Variants in LRRC56 observed in about 807,000 individuals in gnomAD.
LRRC56 encodes leucine rich repeat containing 56.
In LRRC56, 41 loss-of-function variants were observed where a neutral mutation model predicts 47.8. The observed-to-expected ratio is 0.86, with a 90% CI of 0.67 to 1.11. LRRC56 has a LOEUF of 1.11. Among genes scored for constraint, LRRC56 ranks in the 50% most tolerant of loss-of-function variants. The pLI is 0.00. For missense variants in LRRC56, 759 were observed against 704.2 expected, an observed-to-expected ratio of 1.08 and a Z score of -0.88; for synonymous variants, 387 against 311.2, an observed-to-expected ratio of 1.24 and a Z score of -2.56.
chr11:507,568 CG>C, the LRRC56 span, among the ~76,000 whole-genome samples: 1 of 152,082 alleles, frequency 6.6e-6, no homozygotes, highest in African/African-American at 2.4e-5. Flanking sequence ...AGGAAGAGGC[CG>C]GGGCCCGGTG....
chr11:551,029 T>TGCCCC (rs1491404081), intron 8 of LRRC56, 102 bp from the exon 9 acceptor site: 2 of 680,648 alleles, frequency 2.9e-6, no homozygotes, highest in Admixed American at 3.4e-5. Flanking sequence ...GCCCCTGCCC[T>TGCCCC]GCCCCACGGT....
upstream of LRRC56, chr11:532,888 CA>C: frequency 1.1e-6 from 1 of 874,132 alleles, no homozygotes; most frequent in Non-Finnish European, 1.9e-6. Flanking sequence ...CCAGGCCCAC[CA>C]CACACACGGG....
the LRRC56 span, among the ~76,000 whole-genome samples, chr11:516,862 T>C: frequency 6.6e-6 from 1 of 152,206 alleles, no homozygotes; most frequent in African/African-American, 2.4e-5. Flanking sequence ...CCTCTCCCTC[T>C]CCCTCTCCCT....
At chr11:543,048 C>T (rs1005893116) in intron 5 of LRRC56, among the ~76,000 whole-genome samples, 44 of 151,902 alleles carry the variant, frequency 2.9e-4, no homozygotes, top group African/African-American at 9.4e-4. Flanking sequence ...CTCACCACCA[C>T]GCCCAGCTGA....
chr11:535,864 C>T (rs1322095237), upstream of LRRC56, among the ~76,000 whole-genome samples: 1 of 152,086 alleles, frequency 6.6e-6, no homozygotes, highest in Non-Finnish European at 1.5e-5. Flanking sequence ...CGGGCTCTCC[C>T]GGGAACAGGC....
chr11:533,210 C>G (rs1851214212), upstream of LRRC56: 2 of 1,368,360 alleles, frequency 1.5e-6, no homozygotes, highest in Admixed American at 2.0e-5. Flanking sequence ...CGGCCCAGGA[C>G]TGCAGGGCGT....
chr11:529,933 C>T, the LRRC56 span, among the ~76,000 whole-genome samples: 1 of 152,186 alleles, frequency 6.6e-6, no homozygotes, highest in Admixed American at 6.5e-5. Context: ...CAAGGCCTAG[C>T]GGCATGAGGG....
intron 5 of LRRC56, among the ~76,000 whole-genome samples, chr11:543,679 A>C (rs1420217783): frequency 6.6e-6 from 1 of 152,030 alleles, no homozygotes; most frequent in African/African-American, 2.4e-5. Flanking sequence ...ACCCGCAGCC[A>C]TCTGCACTCA....
chr11:531,395 C>T, the LRRC56 span, among the ~76,000 whole-genome samples: 1 of 152,272 alleles, frequency 6.6e-6, no homozygotes, highest in South Asian at 2.1e-4. Context: ...GCTGTGGGCC[C>T]CCAGCAGAAG....
At chr11:514,831 C>G in the LRRC56 span, among the ~76,000 whole-genome samples, 1 of 152,132 alleles carries the variant, frequency 6.6e-6, no homozygotes, top group South Asian at 2.1e-4. Context: ...GTGTCTAGAA[C>G]TGAACCGTGG....
In LRRC56 at chr11:552,168, C is replaced by T. The variant is rs746863596; in HGVS notation, c.1117C>T (p.Pro373Ser). Reference protein sequence around the residue: ...AASTSTPEPDPADSSDFLALA... With the variant: ...AASTSTPEPDSADSSDFLALA... ...CAGCACTTCCACCCCAGAGCCTGAC[C>T]CTGCAGACAGCTCTGACTTCCTGGC... Residue 373 changes from proline to serine, a missense_variant, in exon 12 of 14, where the codon CCT becomes TCT. Physicochemically the swap from Pro to Ser is moderately conservative, Grantham distance 74. Transcript: ENST00000270115. The T allele has an allele frequency of 2.5e-6, 4 of 1,612,772 alleles. No individual in the cohort carries two copies. The South Asian group carries it at 4.4e-5, about 18-fold the overall frequency.
the LRRC56 span, among the ~76,000 whole-genome samples, chr11:509,432 C>T: frequency 5.9e-5 from 9 of 152,192 alleles, no homozygotes; most frequent in Admixed American, 2.0e-4. Flanking sequence ...TTTGTGACAC[C>T]TTGTGGGGAA....
At chr11:536,798 C>G (rs939738071), upstream of LRRC56, 6 of 152,306 alleles carry the variant, frequency 3.9e-5, no homozygotes, top group Admixed American at 6.5e-5. Flanking sequence ...CAGGCAAACC[C>G]TGCCTCTGCC....
At chr11:530,222 C>T in the LRRC56 span, among the ~76,000 whole-genome samples, 1 of 152,226 alleles carries the variant, frequency 6.6e-6, no homozygotes, top group Non-Finnish European at 1.5e-5. Context: ...AGGCCCTGCC[C>T]AGCCCCGTAA....
the LRRC56 span, among the ~76,000 whole-genome samples, chr11:518,025 A>G: frequency 6.6e-6 from 1 of 152,306 alleles, no homozygotes; most frequent in South Asian, 2.1e-4. Flanking sequence ...GGACACAAAC[A>G]CTGCGGAAGG....
chr11:517,692 G>A, the LRRC56 span, among the ~76,000 whole-genome samples: 3 of 152,200 alleles, frequency 2.0e-5, no homozygotes, highest in Non-Finnish European at 2.9e-5. Context: ...CATCGAGAAC[G>A]GGCCATGATG....
chr11:544,511 C>T (rs1851975993), intron 5 of LRRC56, among the ~76,000 whole-genome samples: 1 of 152,212 alleles, frequency 6.6e-6, no homozygotes, highest in South Asian at 2.1e-4. Flanking sequence ...CCCATAGAAT[C>T]AGCAGACCCC....
the LRRC56 span, among the ~76,000 whole-genome samples, chr11:518,901 G>A: frequency 1.5e-5 from 2 of 131,588 alleles, no homozygotes; most frequent in African/African-American, 6.1e-5. Flanking sequence ...AGGGACCGGG[G>A]CGGGGGGGCG....
In LRRC56 at chr11:542,580, C is replaced by CAAAAAAAAAAAAAAA. The variant is rs71022928; in HGVS notation, c.265+966_265+980dup. Among the ~76,000 whole-genome samples, 30 of 25,986 alleles carry CAAAAAAAAAAAAAAA rather than the reference C, an allele frequency of 1.2e-3. 1 individual carries two copies. The highest frequency in any genetic ancestry group is 4.5e-3 in the African/African-American group (21 of 4,646). The allele number at this position is 25,986 out of a possible 152,430, so 17.0% of individuals were successfully genotyped here. ...TGGGCGACAGAGCAAAACCCTGTCG[C>CAAAAAAAAAAAAAAA]AAAAAAAAAAAAAAAAAAAAAAAAC... is the stretch of plus-strand genomic sequence containing the variant. On this transcript the variant is annotated intron_variant, in intron 5 of 13. Transcript: ENST00000270115.
Sources: gnomAD v4.1 joint callset for allele counts (sites outside exome capture counted in the v4.1 genomes callset) on GRCh38, gnomAD v4.1.1 for gene constraint, MANE v1.5 for transcripts, NCBI Gene and HGNC (gene_info 2026-07-23, HGNC 2026-07-21) for gene names.